DOCK4: variants seen among roughly 807,000 people sequenced by gnomAD.
The protein encoded by DOCK4 is dedicator of cytokinesis 4.
Under a neutral mutation model 268.1 loss-of-function variants are expected in DOCK4, and 97 were observed. The ratio of observed to expected loss-of-function variants is 0.36; its 90% confidence interval spans 0.31 to 0.43. The LOEUF is 0.43. DOCK4 is among the 20% of genes least tolerant of loss of function. DOCK4 has a pLI of 1.00. For synonymous variants in DOCK4, 954 were observed against 887.2 expected (o/e 1.08, Z -1.34); for missense variants, 2,145 against 2,455.7 (o/e 0.87, Z 2.67).
chr7:112,186,137 C>A (rs921135465), intron 1 of DOCK4, among the ~76,000 whole-genome samples: 3 of 152,374 alleles, frequency 2.0e-5, no homozygotes, highest in Non-Finnish European at 4.4e-5. Flanking sequence ...GCTGCCCAAA[C>A]TTTAGCCCTG....
chr7:111,820,085 G>A (rs1586083668), intron 27 of DOCK4: 1 of 152,204 alleles, frequency 6.6e-6, no homozygotes, highest in South Asian at 2.1e-4. Context: ...AGCACAAATA[G>A]TAGAGGGCTA....
At chr7:112,070,967 C>T (rs1807532031) in intron 1 of DOCK4, among the ~76,000 whole-genome samples, 1 of 152,162 alleles carries the variant, frequency 6.6e-6, no homozygotes, top group Non-Finnish European at 1.5e-5. Flanking sequence ...CAGCTACGAC[C>T]TCTTTCTACC....
At chr7:111,958,267 T>A (rs1796590736) in intron 8 of DOCK4, among the ~76,000 whole-genome samples, 1 of 152,144 alleles carries the variant, frequency 6.6e-6, no homozygotes, top group Non-Finnish European at 1.5e-5. Flanking sequence ...AGTCTTATCT[T>A]TGGAAAAGGA....
At chr7:111,841,170 T>C (rs1803661742) in intron 25 of DOCK4, among the ~76,000 whole-genome samples, 1 of 152,050 alleles carries the variant, frequency 6.6e-6, no homozygotes, top group African/African-American at 2.4e-5. Context: ...TATTTATTTA[T>C]TTATTTATTT....
intron 7 of DOCK4, among the ~76,000 whole-genome samples, chr7:111,981,287 C>T (rs1244148786): frequency 6.6e-6 from 1 of 152,172 alleles, no homozygotes; most frequent in African/African-American, 2.4e-5. Context: ...TCCCAGCTCT[C>T]CCTGGTGAAA....
intron 30 of DOCK4, among the ~76,000 whole-genome samples, chr7:111,798,124 G>A (rs1800028604): frequency 6.6e-6 from 1 of 152,208 alleles, no homozygotes; most frequent in African/African-American, 2.4e-5. Flanking sequence ...TAGCAGGCCA[G>A]GGAATTTTAA....
intron 24 of DOCK4, among the ~76,000 whole-genome samples, chr7:111,846,543 T>C (rs1357058728): frequency 3.9e-5 from 6 of 152,222 alleles, no homozygotes; most frequent in Non-Finnish European, 5.9e-5. Flanking sequence ...TACTGTAAGA[T>C]ACCCCTAATC....
chr7:111,986,341 C>T (rs1443318587), intron 6 of DOCK4, among the ~76,000 whole-genome samples: 1 of 152,190 alleles, frequency 6.6e-6, no homozygotes, highest in East Asian at 1.9e-4. Context: ...AACCTGTAAT[C>T]TACAAGCCTT....
chr7:111,978,578 G>A (rs1798380156), intron 7 of DOCK4, among the ~76,000 whole-genome samples: 1 of 152,178 alleles, frequency 6.6e-6, no homozygotes. Flanking sequence ...GATTTGACAT[G>A]AGACTGGGCA....
At chr7:112,028,104 A>ATT (rs1357155831) in intron 1 of DOCK4, among the ~76,000 whole-genome samples, 34 of 152,236 alleles carry the variant, frequency 2.2e-4, no homozygotes, top group Non-Finnish European at 3.4e-4. Context: ...GGAAAGGAAC[A>ATT]GCAAGCCATC....
chr7:112,108,826 C>T (rs535537167), intron 1 of DOCK4, among the ~76,000 whole-genome samples: 3 of 152,184 alleles, frequency 2.0e-5, no homozygotes, highest in Admixed American at 6.5e-5. Flanking sequence ...TGCAAATGGA[C>T]ACTGAAAGTG....
chr7:111,784,770 G>T (rs1417686615), intron 32 of DOCK4, among the ~76,000 whole-genome samples: 1 of 152,126 alleles, frequency 6.6e-6, no homozygotes, highest in Non-Finnish European at 1.5e-5. Context: ...AAGGCTTTAT[G>T]ATTGAACTTC....
chr7:112,071,421 AAC>A lies in DOCK4; in HGVS notation c.38-67292_38-67291del, dbSNP rs375017847. 2.6e-5 allele frequency among the ~76,000 whole-genome samples: 4 copies of A among 152,342 alleles called. No individual in the cohort carries two copies. The East Asian group carries it at 7.7e-4, about 29-fold the overall frequency. On this transcript the variant is annotated intron_variant, in intron 1 of 52. Transcript: ENST00000428084. ...ACCCAATCAATACTGACCGAGGAGAAACAAAGGGAATTCCTCAGCATCATTAA... is the reference window on the plus strand; with the variant it reads ...ACCCAATCAATACTGACCGAGGAGAAAAAGGGAATTCCTCAGCATCATTAA...
intron 26 of DOCK4, among the ~76,000 whole-genome samples, chr7:111,822,690 T>C (rs1285231363): frequency 1.3e-5 from 2 of 152,242 alleles, no homozygotes; most frequent in Non-Finnish European, 2.9e-5. Flanking sequence ...AATGAGTTTT[T>C]ATTTCTCTCC....
chr7:111,974,758 C>T (rs534102242), intron 8 of DOCK4, among the ~76,000 whole-genome samples: 8 of 151,970 alleles, frequency 5.3e-5, no homozygotes, highest in South Asian at 2.1e-4. Flanking sequence ...TTTTGGCAGA[C>T]CCTGTACCCG....
At chr7:112,149,170 C>A (rs773103918) in intron 1 of DOCK4, among the ~76,000 whole-genome samples, 3 of 152,166 alleles carry the variant, frequency 2.0e-5, no homozygotes, top group Non-Finnish European at 2.9e-5. Flanking sequence ...ATGCCTATGG[C>A]ATAAAAGATG....
At chr7:111,901,332 CAAAAAAAAAAAA>C (rs398047987) in intron 14 of DOCK4, among the ~76,000 whole-genome samples, 2 of 75,244 alleles carry the variant, frequency 2.7e-5, no homozygotes, top group African/African-American at 9.7e-5. Context: ...GATTCTGTCT[CAAAAAAAAAAAA>C]AAAAAAAAAA....
chr7:111,949,913 T>C (rs972272904), intron 8 of DOCK4, among the ~76,000 whole-genome samples: 4 of 152,212 alleles, frequency 2.6e-5, no homozygotes, highest in Non-Finnish European at 4.4e-5. Flanking sequence ...AAGTCAATAA[T>C]ACTGCATTCT....
At chr7:111,804,754 C>T (rs925217596) in intron 30 of DOCK4, among the ~76,000 whole-genome samples, 2 of 151,956 alleles carry the variant, frequency 1.3e-5, no homozygotes, top group Non-Finnish European at 2.9e-5. Flanking sequence ...CATATGCCAC[C>T]ACACCCAGCT....
Sources: gnomAD v4.1 joint callset for allele counts (sites outside exome capture counted in the v4.1 genomes callset) on GRCh38, gnomAD v4.1.1 for gene constraint, MANE v1.5 for transcripts, NCBI Gene and HGNC (gene_info 2026-07-23, HGNC 2026-07-21) for gene names.